The following CDH19 variants were observed in gnomAD, a reference collection of about 807,000 sequenced individuals.
CDH19 encodes the protein cadherin-19.
CDH19 carries 67 observed loss-of-function variants against 64.2 expected under a neutral mutation model. The ratio of observed to expected loss-of-function variants is 1.04; its 90% CI spans 0.86 to 1.28. The LOEUF (loss-of-function observed/expected upper bound fraction) is 1.28. Ranked by LOEUF, CDH19 falls within the 50% of genes most tolerant of loss-of-function variation. CDH19 has a pLI of 0.00. For missense variants in CDH19, 1,030 were observed against 929.0 expected, an observed-to-expected ratio of 1.11 and a Z score of -1.41; for synonymous variants, 346 against 319.3, an observed-to-expected ratio of 1.08 and a Z score of -0.89.
intron 8 of CDH19, among the ~76,000 whole-genome samples, chr18:66,530,390 T>C (rs187002493): frequency 1.6e-4 from 25 of 152,196 alleles, no homozygotes; most frequent in Admixed American, 1.4e-3. Flanking sequence ...GTTTCAAAAA[T>C]TACAGTTAAA....
At chr18:66,547,528 T>A (rs533185445) in intron 5 of CDH19, among the ~76,000 whole-genome samples, 55 of 152,196 alleles carry the variant, frequency 3.6e-4, no homozygotes, top group African/African-American at 1.3e-3. Flanking sequence ...GGTGTTTATA[T>A]CGAATAAGCA....
rs556905021 is a variant in CDH19, at chr18:66,511,584, T to G, written c.1560A>C (p.Thr520=). 7.1e-7 allele frequency: 1 copy of G among 1,400,296 alleles called. No individual in the cohort carries two copies. The highest frequency in any genetic ancestry group is 2.3e-5 in the East Asian group (1 of 43,646). The allele number at this position is 1,400,296 out of a possible 1,614,324, so 86.7% of individuals were successfully genotyped here. ...TGACATTACCTTGATTATCTATGAT[T>G]GTAAAACTTGAATTGTTAGTGTCTT... ...SVEDTNNSSF[T]IIDNQDNTAV... is the part of the protein sequence containing the mutation. Residue 520 remains threonine (T), a synonymous_variant, in exon 10 of 12, where the codon ACA becomes ACC. Coordinates refer to ENST00000262150, the MANE Select transcript of CDH19 (RefSeq NM_021153.4).
In CDH19 at chr18:66,529,944, C is replaced by T. The variant is rs750247993; in HGVS notation, c.1359G>A (p.Ser453=). 9.0e-6 allele frequency: 14 copies of T among 1,549,816 alleles called. No homozygotes were observed. The highest frequency in any genetic ancestry group is 7.0e-5 in the East Asian group (3 of 43,060). ...TEKYNIEQIS[S]IPLYVQVLNI... Reference sequence around the variant, plus strand: ...TAAGAACTTGCACATACAGTGGGATCGAAGAGATCTGTTCTATATTGTCTG... The same window carrying T: ...TAAGAACTTGCACATACAGTGGGATTGAAGAGATCTGTTCTATATTGTCTG... The change falls in exon 9 of 12, where the codon TCG becomes TCA. Residue 453 remains serine (S), a synonymous_variant. Coordinates refer to ENST00000262150, the MANE Select transcript of CDH19 (RefSeq NM_021153.4).
chr18:66,577,668 C>A (rs537763591), intron 1 of CDH19, among the ~76,000 whole-genome samples: 1 of 151,880 alleles, frequency 6.6e-6, no homozygotes, highest in Admixed American at 6.6e-5. Flanking sequence ...TGGACCATAT[C>A]AAAATGGAGA....
intron 9 of CDH19, among the ~76,000 whole-genome samples, chr18:66,514,427 G>A (rs149988891): frequency 2.3e-3 from 351 of 151,522 alleles, no homozygotes; most frequent in African/African-American, 7.5e-3. Flanking sequence ...TGATATGGGA[G>A]AAAGGGAAGA....
chr18:66,554,368 AAT>A (rs752572356), intron 4 of CDH19, 35 bp downstream of exon 4: 1 of 1,605,088 alleles, frequency 6.2e-7, no homozygotes, highest in African/African-American at 1.3e-5. Context: ...CCTTCTTTAG[AAT>A]CATGTTAAAC....
At chr18:66,586,484 T>C (rs1268360862) in intron 1 of CDH19, among the ~76,000 whole-genome samples, 1 of 151,692 alleles carries the variant, frequency 6.6e-6, no homozygotes, top group East Asian at 1.9e-4. Context: ...AATATTAAAA[T>C]GGGGAAGTAG....
At chr18:66,532,492 A>C (rs1986489475) in intron 8 of CDH19, 1 of 174,224 alleles carries the variant, frequency 5.7e-6, no homozygotes, top group Admixed American at 6.4e-5. Flanking sequence ...GCATTCATAC[A>C]CACACACACA....
chr18:66,529,775 T>C, intron 9 of CDH19, 70 bp downstream of exon 9: 2 of 788,450 alleles, frequency 2.5e-6, no homozygotes, highest in Non-Finnish European at 3.7e-6. Flanking sequence ...TTGTATAATA[T>C]ATGAAGAAAT....
At chr18:66,522,716 A>G (rs1312159176) in intron 9 of CDH19, among the ~76,000 whole-genome samples, 1 of 151,382 alleles carries the variant, frequency 6.6e-6, no homozygotes, top group African/African-American at 2.4e-5. Context: ...ATTAATTCGA[A>G]CACATTTAAG....
At chr18:66,583,888 C>A (rs1423805975) in intron 1 of CDH19, among the ~76,000 whole-genome samples, 7 of 151,998 alleles carry the variant, frequency 4.6e-5, no homozygotes, top group African/African-American at 1.7e-4. Flanking sequence ...AAACCCAAAA[C>A]TATAAAAACC....
rs976943621 is a variant in CDH19 at position 66,530,374 on chromosome 18, C to T, written c.1337-408G>A. On this transcript the variant is annotated intron_variant, in intron 8 of 11. Transcript: ENST00000262150. ...TTTTACGGATAAAAAATTGATAAAC[C>T]ATTTAGTTTCAAAAATTACAGTTAA... is the stretch of plus-strand genomic sequence containing the variant. Among the ~76,000 whole-genome samples, 3 of 151,936 alleles carry T rather than the reference C, an allele frequency of 2.0e-5. No individual in the cohort carries two copies. The South Asian group carries it at 6.2e-4, about 32-fold the overall frequency.
chr18:66,524,594 T>G (rs1986147803), intron 9 of CDH19, among the ~76,000 whole-genome samples: 1 of 141,992 alleles, frequency 7.0e-6, no homozygotes, highest in South Asian at 2.3e-4. Context: ...ACCATAAATA[T>G]GTACTATCTG....
At chr18:66,523,243 C>CA (rs1363035001) in intron 9 of CDH19, among the ~76,000 whole-genome samples, 1 of 152,028 alleles carries the variant, frequency 6.6e-6, no homozygotes, top group Non-Finnish European at 1.5e-5. Flanking sequence ...AACAGAGGGA[C>CA]AAAACCACAT....
chr18:66,547,744 T>C lies in CDH19; in HGVS notation c.776-2841A>G, dbSNP rs1218024531. The stretch of plus-strand genomic sequence containing the variant: ...GTGCAGTGGCGGGATCTCGGCTCAC[T>C]GCAAGCTCCGCCTCCCGGGTTCACG... On this transcript the variant is annotated intron_variant, in intron 5 of 11. Coordinates refer to ENST00000262150, the MANE Select transcript of CDH19 (RefSeq NM_021153.4). 7.1e-4 allele frequency among the ~76,000 whole-genome samples: 93 copies of C among 130,698 alleles called. 1 individual carries two copies. The highest frequency in any genetic ancestry group is 1.3e-3 in the Non-Finnish European group (84 of 64,022). The allele number at this position is 130,698 out of a possible 152,430, so 85.7% of individuals were successfully genotyped here. A position where few individuals can be genotyped will look rare whatever the true frequency, so the allele number is the denominator to read the frequency against.
At chr18:66,577,010 G>C (rs1988285898) in intron 1 of CDH19, among the ~76,000 whole-genome samples, 1 of 151,392 alleles carries the variant, frequency 6.6e-6, no homozygotes, top group Non-Finnish European at 1.5e-5. Context: ...TAACAAAAAT[G>C]TGCAATACCT....
chr18:66,597,004 C>T (rs1389825257), intron 1 of CDH19, among the ~76,000 whole-genome samples: 1 of 135,072 alleles, frequency 7.4e-6, no homozygotes, highest in Non-Finnish European at 1.6e-5. Flanking sequence ...ATGGCGTTAA[C>T]CCGGGAGGCG....
chr18:66,586,626 G>A (rs1421991079), intron 1 of CDH19, among the ~76,000 whole-genome samples: 1 of 151,878 alleles, frequency 6.6e-6, no homozygotes, highest in Non-Finnish European at 1.5e-5. Flanking sequence ...GTACCATATA[G>A]AGGAGTTAAC....
intron 1 of CDH19, among the ~76,000 whole-genome samples, chr18:66,575,619 A>T (rs1270763168): frequency 1.3e-5 from 2 of 151,832 alleles, no homozygotes; most frequent in Non-Finnish European, 2.9e-5. Flanking sequence ...CCGTATTCCT[A>T]ATCTTCAATA....
Sources: gnomAD v4.1 joint callset for allele counts (sites outside exome capture counted in the v4.1 genomes callset) on GRCh38, gnomAD v4.1.1 for gene constraint, MANE v1.5 for transcripts, NCBI Gene and HGNC (gene_info 2026-07-23, HGNC 2026-07-21) for gene names.